The following PLEKHG1 variants were observed in gnomAD, a reference collection of about 807,000 sequenced individuals.
PLEKHG1 encodes the protein pleckstrin homology domain-containing family G member 1.
A neutral mutation model predicts 100.8 loss-of-function variants in PLEKHG1; 44 were observed. The observed-to-expected ratio is 0.44, with a 90% CI of 0.34 to 0.56. The LOEUF (loss-of-function observed/expected upper bound fraction) is 0.56. Among genes scored for constraint, PLEKHG1 ranks in the 20% least tolerant of loss-of-function variants. PLEKHG1 has a pLI of 0.01. For synonymous variants in PLEKHG1, 640 were observed against 662.5 expected (o/e 0.97, Z 0.52); for missense variants, 1,545 against 1,720.9 (o/e 0.90, Z 1.81).
chr6:150,654,356 T>C (rs1778876888), intron 3 of PLEKHG1, among the ~76,000 whole-genome samples: 1 of 152,230 alleles, frequency 6.6e-6, no homozygotes, highest in Admixed American at 6.5e-5. Flanking sequence ...TTGCCATTGC[T>C]CAGCACAGCG....
At chr6:150,773,764 T>C (rs370299007) in intron 3 of PLEKHG1, among the ~76,000 whole-genome samples, 1 of 152,240 alleles carries the variant, frequency 6.6e-6, no homozygotes, top group East Asian at 1.9e-4. Context: ...TGAAATTGCA[T>C]TAAATTTTAT....
At position 150,666,979 on chromosome 6, in the gene PLEKHG1, C is replaced by T. The variant is rs186852472; in HGVS notation, c.-99+16193C>T. On this transcript the variant is annotated intron_variant, in intron 3 of 3. Transcript: ENST00000367326. Reference sequence around the variant, plus strand: ...TTCACCGCGTTAGCCAGGATGGTCTCGATCTCCTGACCTCGTGATCCACCC... The same window carrying T: ...TTCACCGCGTTAGCCAGGATGGTCTTGATCTCCTGACCTCGTGATCCACCC... Among the ~76,000 whole-genome samples the T allele has an allele frequency of 1.2e-4, 19 of 152,176 alleles. No individual in the cohort carries two copies. In the East Asian group the frequency reaches 1.5e-3, roughly 12 times the overall value.
intron 7 of PLEKHG1, among the ~76,000 whole-genome samples, chr6:150,807,907 T>G (rs960886668): frequency 6.6e-6 from 1 of 152,064 alleles, no homozygotes; most frequent in African/African-American, 2.4e-5. Flanking sequence ...AGGGAGAGGT[T>G]GCAGTGAGCC....
chr6:150,619,808 A>C (rs1393839819), intron 1 of PLEKHG1, among the ~76,000 whole-genome samples: 1 of 152,230 alleles, frequency 6.6e-6, no homozygotes, highest in East Asian at 1.9e-4. Flanking sequence ...ACCAGGGCTT[A>C]GGATAGCGCT....
intron 1 of PLEKHG1, among the ~76,000 whole-genome samples, chr6:150,727,606 A>C (rs1002684795): frequency 3.3e-5 from 5 of 149,704 alleles, no homozygotes; most frequent in Non-Finnish European, 6.0e-5. Flanking sequence ...GGATGGCACA[A>C]AAAAAAAAAG....
At chr6:150,821,458 C>T (rs542666573) in intron 13 of PLEKHG1, among the ~76,000 whole-genome samples, 57 of 152,208 alleles carry the variant, frequency 3.7e-4, no homozygotes, top group African/African-American at 1.0e-3. Context: ...CCGAGGCGGG[C>T]GGCTCTGTTG....
intron 3 of PLEKHG1, among the ~76,000 whole-genome samples, chr6:150,782,688 A>C (rs373914861): frequency 5.3e-5 from 8 of 152,250 alleles, no homozygotes; most frequent in African/African-American, 1.7e-4. Context: ...CTATTAAGTT[A>C]GAGATTACAA....
chr6:150,756,357 T>G (rs1204813019), intron 2 of PLEKHG1, among the ~76,000 whole-genome samples: 1 of 152,208 alleles, frequency 6.6e-6, no homozygotes, highest in Non-Finnish European at 1.5e-5. Context: ...TCTTCTGTGA[T>G]GAGATCAACA....
At chr6:150,658,908 T>A (rs1486429846) in intron 3 of PLEKHG1, among the ~76,000 whole-genome samples, 1 of 152,254 alleles carries the variant, frequency 6.6e-6, no homozygotes, top group Admixed American at 6.5e-5. Context: ...ATATATTATT[T>A]CTTAATTCTT....
exon 10 of PLEKHG1, chr6:150,809,702 C>T (rs1380602661): frequency 6.2e-7 from 1 of 1,613,860 alleles, no homozygotes; most frequent in African/African-American, 1.3e-5. Flanking sequence ...GAGACTGATT[C>T]TGGAGAACCA....
chr6:150,701,268 C>T (rs901277731), intron 3 of PLEKHG1, among the ~76,000 whole-genome samples: 42 of 148,186 alleles, frequency 2.8e-4, no homozygotes, highest in African/African-American at 1.0e-3. Flanking sequence ...TGCAGTGAGC[C>T]ACGATCACAC....
intron 3 of PLEKHG1, among the ~76,000 whole-genome samples, chr6:150,690,924 T>C (rs1329198663): frequency 6.6e-6 from 1 of 152,198 alleles, no homozygotes; most frequent in African/African-American, 2.4e-5. Context: ...TGGGCTGTGT[T>C]GCTCTTCCGC....
At chr6:150,645,069 G>T (rs1403379138) in intron 2 of PLEKHG1, among the ~76,000 whole-genome samples, 36 of 152,144 alleles carry the variant, frequency 2.4e-4, no homozygotes, top group Admixed American at 2.4e-3. Context: ...ATTTAGCAAT[G>T]TTATTTATAT....
At chr6:150,734,943 T>G (rs1203071119) in intron 2 of PLEKHG1, among the ~76,000 whole-genome samples, 1 of 151,814 alleles carries the variant, frequency 6.6e-6, no homozygotes. Context: ...TAACTCACTC[T>G]CAATTGTAGT....
chr6:150,703,383 T>C (rs1322471499), intron 3 of PLEKHG1, among the ~76,000 whole-genome samples: 2 of 152,092 alleles, frequency 1.3e-5, no homozygotes, highest in Non-Finnish European at 2.9e-5. Flanking sequence ...GGCAGATCGC[T>C]TGAGCTCAGG....
intron 2 of PLEKHG1, among the ~76,000 whole-genome samples, chr6:150,757,591 CAG>C (rs1307386338): frequency 6.6e-6 from 1 of 151,652 alleles, no homozygotes. Context: ...ATGTGTGTGT[CAG>C]AAGTTACTCT....
At chr6:150,795,720 CT>C (rs1331572559) in intron 4 of PLEKHG1, 135 bp from the exon 6 acceptor site, 8 of 351,750 alleles carry the variant, frequency 2.3e-5, no homozygotes, top group African/African-American at 6.7e-5. Flanking sequence ...AAAACTCCGC[CT>C]AAAAAAAAAA....
chr6:150,623,559 G>T (rs1207979101), intron 1 of PLEKHG1, among the ~76,000 whole-genome samples: 1 of 152,232 alleles, frequency 6.6e-6, no homozygotes, highest in African/African-American at 2.4e-5. Context: ...AGCAGAACTA[G>T]AAATTAGTTC....
intron 1 of PLEKHG1, among the ~76,000 whole-genome samples, chr6:150,725,940 A>G (rs1781942958): frequency 6.6e-6 from 1 of 152,180 alleles, no homozygotes; most frequent in South Asian, 2.1e-4. Flanking sequence ...CCATAAAAAA[A>G]AGAAGGAAAT....
Sources: gnomAD v4.1 joint callset for allele counts (sites outside exome capture counted in the v4.1 genomes callset) on GRCh38, gnomAD v4.1.1 for gene constraint, MANE v1.5 for transcripts, NCBI Gene and HGNC (gene_info 2026-07-23, HGNC 2026-07-21) for gene names.